TRIM2: variants seen among roughly 807,000 people sequenced by gnomAD.
The protein encoded by TRIM2 is tripartite motif containing 2.
TRIM2 carries 20 observed loss-of-function variants against 75.2 expected under a neutral mutation model. The observed-to-expected ratio is 0.27, with a 90% CI of 0.19 to 0.39. The LOEUF (loss-of-function observed/expected upper bound fraction) is 0.39, where lower values mean the gene tolerates loss of function less well. TRIM2 is among the 10% of genes least tolerant of loss of function. TRIM2 has a pLI of 1.00. For synonymous variants in TRIM2, 373 were observed against 388.3 expected (o/e 0.96, Z 0.46); for missense variants, 660 against 990.8 (o/e 0.67, Z 4.48).
At chr4:153,286,587 C>T (rs2150108710) in intron 3 of TRIM2, among the ~76,000 whole-genome samples, 1 of 152,224 alleles carries the variant, frequency 6.6e-6, no homozygotes, top group Non-Finnish European at 1.5e-5. Context: ...TCCATTTCAT[C>T]TAAGTTATTC....
chr4:153,157,986 T>C (rs759892983), intron 1 of TRIM2, among the ~76,000 whole-genome samples: 2 of 152,226 alleles, frequency 1.3e-5, no homozygotes, highest in Non-Finnish European at 2.9e-5. Flanking sequence ...ACAGGTTCCC[T>C]ATGGAGAATT....
At chr4:153,290,652 G>C (rs1467036939) in intron 3 of TRIM2, among the ~76,000 whole-genome samples, 1 of 152,066 alleles carries the variant, frequency 6.6e-6, no homozygotes, top group Non-Finnish European at 1.5e-5. Flanking sequence ...TTTGAAATAG[G>C]ATCTTGCTCC....
At chr4:153,256,514 C>T (rs1457665573) in intron 1 of TRIM2, among the ~76,000 whole-genome samples, 3 of 152,212 alleles carry the variant, frequency 2.0e-5, no homozygotes, top group South Asian at 2.1e-4. Flanking sequence ...GAAAAAGGAA[C>T]GGTTGTGAAT....
At chr4:153,252,183 G>C (rs192651459) in intron 1 of TRIM2, among the ~76,000 whole-genome samples, 4 of 152,250 alleles carry the variant, frequency 2.6e-5, no homozygotes, top group Admixed American at 2.6e-4. Flanking sequence ...ATTAGGCAGC[G>C]TTTATAAGCT....
chr4:153,166,164 C>G (rs1375217839), intron 1 of TRIM2, among the ~76,000 whole-genome samples: 1 of 151,878 alleles, frequency 6.6e-6, no homozygotes, highest in African/African-American at 2.4e-5. Context: ...CTTTTTTTTG[C>G]TCTGAAGATA....
intron 1 of TRIM2, among the ~76,000 whole-genome samples, chr4:153,199,089 TAA>T (rs1734056494): frequency 6.6e-6 from 1 of 152,222 alleles, no homozygotes; most frequent in Admixed American, 6.5e-5. Flanking sequence ...AGGCCAATGC[TAA>T]GTAATATGAT....
chr4:153,289,114 C>T (rs1761307144), intron 3 of TRIM2, among the ~76,000 whole-genome samples: 1 of 151,946 alleles, frequency 6.6e-6, no homozygotes, highest in African/African-American at 2.4e-5. Flanking sequence ...TCTTTGTGAA[C>T]TTTGTCCTTT....
intron 1 of TRIM2, among the ~76,000 whole-genome samples, chr4:153,263,671 C>T (rs1056351281): frequency 2.6e-5 from 4 of 152,120 alleles, no homozygotes; most frequent in Non-Finnish European, 4.4e-5. Context: ...AGGCTTAGTT[C>T]CAGCTGCTAT....
chr4:153,231,691 A>C (rs1299894798), intron 1 of TRIM2, among the ~76,000 whole-genome samples: 1 of 152,188 alleles, frequency 6.6e-6, no homozygotes, highest in Non-Finnish European at 1.5e-5. Flanking sequence ...AATCTGCTCC[A>C]TGCCTCTGTC....
At chr4:153,204,377 T>C (rs1579514066), upstream of TRIM2, 2 of 770,102 alleles carry the variant, frequency 2.6e-6, no homozygotes, top group East Asian at 2.7e-5. Flanking sequence ...CCTGATACTG[T>C]AGCCCCGCCC....
chr4:153,183,738 G>C (rs1032887841), intron 1 of TRIM2, among the ~76,000 whole-genome samples: 2 of 152,204 alleles, frequency 1.3e-5, no homozygotes, highest in Non-Finnish European at 2.9e-5. Flanking sequence ...GAGGCCTGGA[G>C]TGCAGGGGCT....
chr4:153,305,627 A>G (rs1313719211), intron 6 of TRIM2, among the ~76,000 whole-genome samples: 2 of 152,196 alleles, frequency 1.3e-5, no homozygotes, highest in African/African-American at 4.8e-5. Flanking sequence ...AAGCTGAAGG[A>G]TAAGTGAGCA....
chr4:153,272,305 C>T (rs189579259), intron 2 of TRIM2, among the ~76,000 whole-genome samples: 6 of 152,006 alleles, frequency 3.9e-5, no homozygotes, highest in Admixed American at 2.0e-4. Flanking sequence ...CCTGCCACCA[C>T]GCCCAGCTAA....
chr4:153,189,655 C>T (rs1732984645), intron 1 of TRIM2, among the ~76,000 whole-genome samples: 1 of 152,214 alleles, frequency 6.6e-6, no homozygotes, highest in Admixed American at 6.5e-5. Flanking sequence ...CTCATGCCTC[C>T]CTGTGACGGC....
intron 1 of TRIM2, among the ~76,000 whole-genome samples, chr4:153,193,477 C>G (rs139802925): frequency 3.2e-4 from 48 of 152,256 alleles, no homozygotes; most frequent in African/African-American, 1.1e-3. Flanking sequence ...AAGTAGAATT[C>G]TTTGTGGTGA....
Position 153,338,973 on chromosome 4 carries a change from T to A in TRIM2, c.*4007T>A. 1 of 985,550 alleles carries A rather than the reference T, an allele frequency of 1.0e-6. No homozygotes were observed. The highest frequency in any genetic ancestry group is 6.1e-5 in the Admixed American group (1 of 16,280). The allele number at this position is 985,550 out of a possible 1,614,324, so 61.1% of individuals were successfully genotyped here. A position where few individuals can be genotyped will look rare whatever the true frequency, so the allele number is the denominator to read the frequency against. ...AAGGGGTTTTTTTTTTTTGCTTTGT[T>A]TTCTTTTTAGATTTTGTACATTCCA... On this transcript the variant is annotated 3_prime_UTR_variant, in exon 12 of 12. Coordinates refer to ENST00000338700, the MANE Select transcript of TRIM2 (RefSeq NM_015271.5).
intron 10 of TRIM2, chr4:153,324,507 G>T (rs564352762): frequency 9.8e-6 from 2 of 203,634 alleles, no homozygotes; most frequent in South Asian, 8.7e-5. Flanking sequence ...GCATCTTTTT[G>T]TTAAAAAAAA....
chr4:153,307,018 G>T (rs12645736), intron 6 of TRIM2, among the ~76,000 whole-genome samples: 18,761 of 152,206 alleles, frequency 0.12, 1,585 homozygotes, highest in South Asian at 0.28. Flanking sequence ...TATATTTGAT[G>T]CTTCTAATAC....
intron 1 of TRIM2, among the ~76,000 whole-genome samples, chr4:153,251,542 CAT>C (rs576205719): frequency 8.7e-4 from 133 of 152,218 alleles, no homozygotes; most frequent in Non-Finnish European, 1.7e-3. Flanking sequence ...TTCTACTTGA[CAT>C]GTTAATGAGG....
Sources: allele counts gnomAD v4.1 joint callset (sites outside exome capture counted in the v4.1 genomes callset), GRCh38; gene constraint gnomAD v4.1.1; transcripts MANE v1.5; gene names NCBI Gene and HGNC (gene_info 2026-07-23, HGNC 2026-07-21).